The following ZIC5 variants were observed in gnomAD, a reference collection of about 807,000 sequenced individuals.
The protein encoded by ZIC5 is Zic family zinc finger 5.
In ZIC5, 20 loss-of-function variants were observed where a neutral mutation model predicts 28.5. The observed-to-expected ratio is 0.70, with a 90% CI of 0.49 to 1.02. The LOEUF is 1.02. Among genes scored for constraint, ZIC5 ranks in the 50% least tolerant of loss-of-function variants. The probability of loss-of-function intolerance (pLI) is 0.00; values close to 1 mark genes in which losing one functional copy is unlikely to be tolerated. For missense variants in ZIC5, 951 were observed against 899.7 expected (o/e 1.06, Z -0.73); for synonymous variants, 488 against 410.4 (o/e 1.19, Z -2.29).
chr13:99,967,837 G>T (rs922171403), intron 1 of ZIC5, among the ~76,000 whole-genome samples: 3 of 152,226 alleles, frequency 2.0e-5, no homozygotes, highest in Non-Finnish European at 4.4e-5. Flanking sequence ...TGTTCAGGGG[G>T]CCTAAGGGGA....
chr13:99,968,972 G>A (rs1328837645), intron 1 of ZIC5, among the ~76,000 whole-genome samples: 1 of 152,228 alleles, frequency 6.6e-6, no homozygotes, highest in African/African-American at 2.4e-5. Context: ...CCTGGCCGCA[G>A]CAGCGCCGAT....
chr13:99,970,741 TGC>T lies in ZIC5; in HGVS notation c.861_862del (p.His288LeufsTer212). The T allele has an allele frequency of 8.4e-7, 1 of 1,196,170 alleles. No homozygotes were observed. The highest frequency in any genetic ancestry group is 1.0e-6 in the Non-Finnish European group (1 of 963,420). The allele number at this position is 1,196,170 out of a possible 1,614,324, so 74.1% of individuals were successfully genotyped here. A position where few individuals can be genotyped will look rare whatever the true frequency, so the allele number is the denominator to read the frequency against. On this transcript the variant is annotated frameshift_variant, in exon 1 of 2. Transcript: ENST00000267294. LOFTEE classifies it high-confidence loss of function. ...CGCTGCGGCCGCAACCGCCCCGTAG[TGC>T]GCGTCCCCAGAGCGCGGCGCGAAGG... is the stretch of plus-strand genomic sequence containing the variant.
Position 99,965,172 on chromosome 13 carries a change from A to G in ZIC5, c.*205T>C. The G allele has an allele frequency of 1.1e-5, 3 of 275,242 alleles. No homozygotes were observed. The highest frequency in any genetic ancestry group is 1.8e-5 in the Non-Finnish European group (3 of 162,858). 17.0% of individuals were successfully genotyped at this position (275,242 alleles called of 1,614,324 possible). A position where few individuals can be genotyped will look rare whatever the true frequency, so the allele number is the denominator to read the frequency against. On this transcript the variant is annotated 3_prime_UTR_variant, in exon 2 of 2. Coordinates refer to ENST00000267294, the MANE Select transcript of ZIC5 (RefSeq NM_033132.5). ...GTTGTTTTTTGTTTGTTTTTTAAGA[A>G]AAAAAAAAAAAAAAGCCCAAATATC...
intron 1 of ZIC5, among the ~76,000 whole-genome samples, chr13:99,967,402 G>A (rs978460331): frequency 3.3e-4 from 51 of 152,322 alleles, no homozygotes; most frequent in African/African-American, 1.2e-3. Flanking sequence ...ATTCTCTGTA[G>A]ATGAGCTTTA....
intron 1 of ZIC5, among the ~76,000 whole-genome samples, chr13:99,966,924 T>C (rs2053104706): frequency 6.6e-6 from 1 of 152,244 alleles, no homozygotes; most frequent in Admixed American, 6.5e-5. Flanking sequence ...TCTCTGAACT[T>C]GATAGAGTTG....
chr13:99,971,014 T>G lies in ZIC5; in HGVS notation c.590A>C (p.Gln197Pro), dbSNP rs1343851316. Reference protein sequence around the residue: ...AMHGAPLGGEQRSGTGSPQHP... With the variant: ...AMHGAPLGGEPRSGTGSPQHP... ...CTGGGGGGAGCCGGTGCCGGACCGCTGCTCCCCTCCGAGCGGGGCCCCGTG... is the reference window on the plus strand; with the variant it reads ...CTGGGGGGAGCCGGTGCCGGACCGCGGCTCCCCTCCGAGCGGGGCCCCGTG... The change falls in exon 1 of 2, where the codon CAG becomes CCG. Residue 197 changes from glutamine (Q) to proline (P), a missense_variant. Gln to Pro is a moderately conservative substitution (Grantham distance 76). Around this residue, in one of 3 missense-constraint regions of ZIC5, gnomAD observed 784 missense variants for 660.1 expected, o/e 1.19. Transcript: ENST00000267294. 7.1e-7 allele frequency: 1 copy of G among 1,413,854 alleles called. No individual in the cohort carries two copies. Among genetic ancestry groups the G allele is most frequent in the African/African-American group, 1.5e-5 (1 of 65,226 alleles). 87.6% of individuals were successfully genotyped at this position (1,413,854 alleles called of 1,614,324 possible).
At chr13:99,967,595 G>A (rs925013086) in intron 1 of ZIC5, among the ~76,000 whole-genome samples, 4 of 152,188 alleles carry the variant, frequency 2.6e-5, no homozygotes, top group Non-Finnish European at 4.4e-5. Context: ...ACGCGAAGGT[G>A]CAATGCTGTT....
chr13:99,965,531 A>C lies in ZIC5; in HGVS notation c.1766T>G (p.Leu589Arg), dbSNP rs775774378. The change falls in exon 2 of 2, where the codon CTG (leucine) becomes CGG (arginine). Residue 589 changes from leucine (L) to arginine (R), a missense_variant. Around this residue, in one of 3 missense-constraint regions of ZIC5, gnomAD observed 108 missense variants for 118.4 expected, o/e 0.91. Transcript: ENST00000267294. ...ATTGAGGTTGGTCACCTGAGGGGAC[A>C]GAGTGCTGGAGTGACTCCTGGCTGG... is the stretch of plus-strand genomic sequence containing the variant. ...LDPARSHSST[L>R]SPQVTNLNEW... The C allele has an allele frequency of 6.2e-7, 1 of 1,613,308 alleles. No homozygotes were observed. The highest frequency in any genetic ancestry group is 1.7e-5 in the Admixed American group (1 of 59,948).
At chr13:99,968,157 A>T (rs1432844537) in intron 1 of ZIC5, among the ~76,000 whole-genome samples, 1 of 152,194 alleles carries the variant, frequency 6.6e-6, no homozygotes, top group Non-Finnish European at 1.5e-5. Flanking sequence ...ATAACCCCCA[A>T]AAGGGAGAGC....
chr13:99,971,687 G>C lies in ZIC5; in HGVS notation c.-84C>G. On this transcript the variant is annotated 5_prime_UTR_variant, in exon 1 of 2. Coordinates refer to ENST00000267294, the MANE Select transcript of ZIC5 (RefSeq NM_033132.5). ...GCCTTCAAAAACATGTATGTATTGG[G>C]CGCTCTTTAACTTCTTTTGTCCTGG... 6.4e-7 allele frequency: 1 copy of C among 1,552,508 alleles called. No homozygotes were observed.
At position 99,969,578 on chromosome 13, in the gene ZIC5, C is replaced by T. The variant is rs528678844; in HGVS notation, c.1477+549G>A. Among the ~76,000 whole-genome samples the T allele has an allele frequency of 1.4e-4, 21 of 152,214 alleles. No individual in the cohort carries two copies. In the South Asian group the frequency reaches 4.4e-3, roughly 32 times the overall value. On this transcript the variant is annotated intron_variant, in intron 1 of 1. Transcript: ENST00000267294. Reference sequence around the variant, plus strand: ...GCATTCCTGTCTTCCCGGAGGGGTCCCTTCCCCTCCCGGAAGGCCTGCCTC... The same window carrying T: ...GCATTCCTGTCTTCCCGGAGGGGTCTCTTCCCCTCCCGGAAGGCCTGCCTC...
Position 99,970,910 on chromosome 13 carries a change from C to A in ZIC5, c.694G>T (p.Gly232Cys). ...TGCAGCGCGGGGAAGAGCGCCGGGC[C>A]GCCGCTGCCGTCCGGGCCCGCGTAG... is the stretch of plus-strand genomic sequence containing the variant. Reference protein sequence around the residue: ...GTYAGPDGSGGPALFPALHDT... With the variant: ...GTYAGPDGSGCPALFPALHDT... Residue 232 changes from glycine (G) to cysteine (C), a missense_variant, in exon 1 of 2, where the codon GGC (glycine) becomes TGC (cysteine). Transcript: ENST00000267294. The A allele has an allele frequency of 1.5e-6, 2 of 1,357,914 alleles. No individual in the cohort carries two copies. Among genetic ancestry groups the A allele is most frequent in the Non-Finnish European group, 1.9e-6 (2 of 1,066,216 alleles). The allele number at this position is 1,357,914 out of a possible 1,614,324, so 84.1% of individuals were successfully genotyped here. A position where few individuals can be genotyped will look rare whatever the true frequency, so the allele number is the denominator to read the frequency against.
chr13:99,969,607 C>A (rs2053130335), intron 1 of ZIC5, among the ~76,000 whole-genome samples: 1 of 152,160 alleles, frequency 6.6e-6, no homozygotes. Context: ...CTGCCTCGGG[C>A]GGCCCAAATC....
chr13:99,970,427 G>GCGT lies in ZIC5; in HGVS notation c.1176_1177insACG (p.Pro392_Pro393insThr). On this transcript the variant is annotated inframe_insertion, in exon 1 of 2. Transcript: ENST00000267294. ...GCCGGGGGCGGTGGCGGCGGCGGCG[G>GCGT]CGGCGGCGGCGGCGGCGGCGGCAGC... 6 of 999,840 alleles carry GCGT rather than the reference G, an allele frequency of 6.0e-6. No individual in the cohort carries two copies. The highest frequency in any genetic ancestry group is 7.2e-6 in the Non-Finnish European group (6 of 833,578). 61.9% of individuals were successfully genotyped at this position (999,840 alleles called of 1,614,324 possible). A position where few individuals can be genotyped will look rare whatever the true frequency, so the allele number is the denominator to read the frequency against.
rs1439999657 is a variant in ZIC5, at chr13:99,964,501, AC to A, written c.*875del. 7 of 147,366 alleles carry A rather than the reference AC, an allele frequency of 4.8e-5. No individual in the cohort carries two copies. The highest frequency in any genetic ancestry group is 2.2e-4 in the South Asian group (1 of 4,650). The allele number at this position is 147,366 out of a possible 1,614,324, so 9.1% of individuals were successfully genotyped here. ...TGAGAATTCAGATAAAAAAAAAAAA[AC>A]ATATAGGAAAAAGAAAGCACTTGAA... is the stretch of plus-strand genomic sequence containing the variant. On this transcript the variant is annotated 3_prime_UTR_variant, in exon 2 of 2. Transcript: ENST00000267294.
In ZIC5 at chr13:99,966,989, T is replaced by C. The variant is rs531441957; in HGVS notation, c.1478-1170A>G. Among the ~76,000 whole-genome samples, 588 of 152,358 alleles carry C rather than the reference T, an allele frequency of 3.9e-3. 2 individuals are homozygous for C. The highest frequency in any genetic ancestry group is 0.014 in the Middle Eastern group (4 of 294). ...ATATTATTGAATTAATATTTTCCTC[T>C]TTTAGGTAAATAATTTAAAAATAAA... On this transcript the variant is annotated intron_variant, in intron 1 of 1. Coordinates refer to ENST00000267294, the MANE Select transcript of ZIC5 (RefSeq NM_033132.5).
rs768410616 is a variant in ZIC5, at chr13:99,970,273, T to G, written c.1331A>C (p.Glu444Ala). 2.5e-6 allele frequency: 4 copies of G among 1,613,754 alleles called. No individual in the cohort carries two copies. In the African/African-American group the frequency reaches 5.3e-5, roughly 22 times the overall value. ...GTATTTGGCCTTGAAGGGCTTGCCC[T>G]CGCGCGGACAGTCCTCCCAGAAGCA... The part of the protein sequence containing the change: ...HVCFWEDCPR[E>A]GKPFKAKYKL... Residue 444 changes from glutamate to alanine, a missense_variant, in exon 1 of 2, where the codon GAG (glutamate) becomes GCG (alanine). Around this residue, in one of 3 missense-constraint regions of ZIC5, gnomAD observed 784 missense variants for 660.1 expected, o/e 1.19. Transcript: ENST00000267294.
rs2053078054 is a variant in ZIC5 at position 99,964,093 on chromosome 13, T to A, written c.*1284A>T. The A allele has an allele frequency of 6.6e-6, 1 of 152,616 alleles. No individual in the cohort carries two copies. The highest frequency in any genetic ancestry group is 2.1e-4 in the South Asian group (1 of 4,834). 9.5% of individuals were successfully genotyped at this position (152,616 alleles called of 1,614,324 possible). A position where few individuals can be genotyped will look rare whatever the true frequency, so the allele number is the denominator to read the frequency against. On this transcript the variant is annotated 3_prime_UTR_variant, in exon 2 of 2. Coordinates refer to ENST00000267294, the MANE Select transcript of ZIC5 (RefSeq NM_033132.5). ...CTGGCAAAGGTCACACATTCATCAG[T>A]GTTTGGTGGTAACTATAAACCTTTT... is the stretch of plus-strand genomic sequence containing the variant.
At chr13:99,966,025 G>A (rs1566395771) in intron 1 of ZIC5, among the ~76,000 whole-genome samples, 1 of 152,140 alleles carries the variant, frequency 6.6e-6, no homozygotes, top group African/African-American at 2.4e-5. Context: ...CCTGGACCTG[G>A]GCTCCTGAGA....
Sources: gnomAD v4.1 joint callset for allele counts (sites outside exome capture counted in the v4.1 genomes callset) on GRCh38, gnomAD v4.1.1 for gene constraint, gnomAD v4.1.1 regional missense constraint, MANE v1.5 for transcripts, NCBI Gene and HGNC (gene_info 2026-07-23, HGNC 2026-07-21) for gene names.